GLS: variants seen among roughly 807,000 people sequenced by gnomAD.
The protein encoded by GLS is glutaminase kidney isoform, mitochondrial.
In GLS, 36 loss-of-function variants were observed where a neutral mutation model predicts 86.7. The observed-to-expected ratio is 0.42, with a 90% CI of 0.32 to 0.55. The LOEUF is 0.55. GLS is among the 20% of genes least tolerant of loss of function. The pLI is 0.17. For synonymous variants in GLS, 317 were observed against 305.9 expected (o/e 1.04, Z -0.38); for missense variants, 528 against 833.4 (o/e 0.63, Z 4.51).
chr2:190,954,511 A>G lies in GLS; in HGVS notation c.1713-73A>G, dbSNP rs1391883071. 7 of 949,600 alleles carry G rather than the reference A, an allele frequency of 7.4e-6. No homozygotes were observed. The highest frequency in any genetic ancestry group is 1.6e-5 in the South Asian group (1 of 63,594). 58.8% of individuals were successfully genotyped at this position (949,600 alleles called of 1,614,324 possible). A position where few individuals can be genotyped will look rare whatever the true frequency, so the allele number is the denominator to read the frequency against. ...ACCTGACAGGGCCTTAAATGAACTG[A>G]TGGAGTGAATGTTACCAGTGTGAAT... On this transcript the variant is annotated intron_variant, in intron 15 of 17. Transcript: ENST00000320717. This position sits in a 1 kb window ranked among gnomAD's most constrained non-coding sequence, Gnocchi z 4.0.
chr2:190,964,939 A>G lies in GLS; in HGVS notation c.*1953A>G, dbSNP rs1422126533. The G allele has an allele frequency of 6.6e-6, 1 of 152,202 alleles. No individual in the cohort carries two copies. Among genetic ancestry groups the G allele is most frequent in the African/African-American group, 2.4e-5 (1 of 41,454 alleles). 9.4% of individuals were successfully genotyped at this position (152,202 alleles called of 1,614,324 possible). On this transcript the variant is annotated 3_prime_UTR_variant, in exon 18 of 18. Transcript: ENST00000320717. The surrounding 1 kb of genome is among the most constrained non-coding windows in gnomAD (Gnocchi z 5.2). ...TTCTAACCATTATTTGGGAACAAAGAGAGTTTTCATCTTTTTTCAGATCAA... is the reference window on the plus strand; with the variant it reads ...TTCTAACCATTATTTGGGAACAAAGGGAGTTTTCATCTTTTTTCAGATCAA...
At chr2:190,893,169 G>A (rs951352532) in intron 1 of GLS, among the ~76,000 whole-genome samples, 2 of 152,176 alleles carry the variant, frequency 1.3e-5, no homozygotes, top group African/African-American at 4.8e-5. Flanking sequence ...ATTAGGTGGT[G>A]AGTATTGTTA....
At chr2:190,916,326 CTG>C (rs1261778491) in intron 7 of GLS, among the ~76,000 whole-genome samples, 1 of 152,090 alleles carries the variant, frequency 6.6e-6, no homozygotes, top group African/African-American at 2.4e-5. Flanking sequence ...TTGTTAACAT[CTG>C]TTTCTCCACC....
At chr2:190,900,312 G>A (rs1251670420) in intron 3 of GLS, among the ~76,000 whole-genome samples, 1 of 152,086 alleles carries the variant, frequency 6.6e-6, no homozygotes, top group Non-Finnish European at 1.5e-5. Flanking sequence ...CTGGTGGAAC[G>A]CCTTGTCTTA....
rs531041647 is a variant in GLS at position 190,924,628 on chromosome 2, A to T, written c.1248+35A>T. 2 of 1,191,304 alleles carry T rather than the reference A, an allele frequency of 1.7e-6. No individual in the cohort carries two copies. The highest frequency in any genetic ancestry group is 2.4e-5 in the South Asian group (2 of 82,234). 73.8% of individuals were successfully genotyped at this position (1,191,304 alleles called of 1,614,324 possible). ...TTATGTAAATCGTATATATAAATGGATGTGTCGGCTGGGCACGGTGGCTCA... is the reference window on the plus strand; with the variant it reads ...TTATGTAAATCGTATATATAAATGGTTGTGTCGGCTGGGCACGGTGGCTCA... On this transcript the variant is annotated intron_variant, in intron 11 of 17. Transcript: ENST00000320717. This position sits in a 1 kb window ranked among gnomAD's most constrained non-coding sequence, Gnocchi z 5.2.
intron 17 of GLS, among the ~76,000 whole-genome samples, chr2:190,957,346 C>T (rs1690884924): frequency 6.6e-6 from 1 of 152,204 alleles, no homozygotes; most frequent in South Asian, 2.1e-4. Context: ...CCTGCCTTGG[C>T]CTCCCAAAGT....
At chr2:190,959,151 T>C (rs1314431770) in intron 17 of GLS, among the ~76,000 whole-genome samples, 1 of 152,200 alleles carries the variant, frequency 6.6e-6, no homozygotes, top group African/African-American at 2.4e-5. Context: ...TCTTGTTGCA[T>C]TGATCCCTTT....
At position 190,905,352 on chromosome 2, in the gene GLS, G is replaced by A. The variant is rs116681266; in HGVS notation, c.979+185G>A. 0.03 allele frequency: 15,562 copies of A among 515,486 alleles called. 319 individuals are homozygous for A. Among genetic ancestry groups the A allele is most frequent in the Non-Finnish European group, 0.043 (12,435 of 290,648 alleles). The allele number at this position is 515,486 out of a possible 1,614,324, so 31.9% of individuals were successfully genotyped here. A position where few individuals can be genotyped will look rare whatever the true frequency, so the allele number is the denominator to read the frequency against. Reference sequence around the variant, plus strand: ...TATTTTAGGCATCTCATACCACTGGGAAGTGGGCTAGGGAGAACATGAACT... The same window carrying A: ...TATTTTAGGCATCTCATACCACTGGAAAGTGGGCTAGGGAGAACATGAACT... On this transcript the variant is annotated intron_variant, in intron 6 of 17. Transcript: ENST00000320717. The surrounding 1 kb of genome is among the most constrained non-coding windows in gnomAD (Gnocchi z 4.6).
At chr2:190,886,083 G>A (rs554889762) in intron 1 of GLS, among the ~76,000 whole-genome samples, 1 of 152,112 alleles carries the variant, frequency 6.6e-6, no homozygotes, top group South Asian at 2.1e-4. Context: ...ATGTCAGCCA[G>A]GATGGTCTCG....
chr2:190,894,972 C>G (rs1688680930), intron 1 of GLS, among the ~76,000 whole-genome samples, 180 bp from the exon 2 acceptor site: 1 of 151,992 alleles, frequency 6.6e-6, no homozygotes, highest in Non-Finnish European at 1.5e-5. Context: ...ACTTGTTTTT[C>G]AGTGTGGTTT....
intron 1 of GLS, chr2:190,881,775 C>G (rs1406019418): frequency 3.6e-6 from 1 of 281,572 alleles, no homozygotes; most frequent in Admixed American, 5.5e-5. Flanking sequence ...AGGCCGCTCC[C>G]CTGCCCGCGC....
In GLS at chr2:190,895,522, C is replaced by A; in HGVS notation, c.484-82C>A. The A allele has an allele frequency of 3.1e-6, 3 of 976,666 alleles. No individual in the cohort carries two copies. Among genetic ancestry groups the A allele is most frequent in the Non-Finnish European group, 4.5e-6 (3 of 664,294 alleles). 60.5% of individuals were successfully genotyped at this position (976,666 alleles called of 1,614,324 possible). A position where few individuals can be genotyped will look rare whatever the true frequency, so the allele number is the denominator to read the frequency against. ...AGTGTTGGGTAGAAGTTTTTATATA[C>A]AGGAATAAAATCTTATAGTTGGTAT... On this transcript the variant is annotated intron_variant, in intron 2 of 17. Transcript: ENST00000320717. The surrounding 1 kb of genome is among the most constrained non-coding windows in gnomAD (Gnocchi z 4.2).
intron 14 of GLS, among the ~76,000 whole-genome samples, chr2:190,945,420 T>C (rs779904731): frequency 1.3e-5 from 2 of 152,036 alleles, no homozygotes; most frequent in Admixed American, 6.6e-5. Context: ...CCCAGCACTT[T>C]GGGAGGGTGT....
At chr2:190,883,576 A>T (rs1200567903) in intron 1 of GLS, among the ~76,000 whole-genome samples, 3 of 152,268 alleles carry the variant, frequency 2.0e-5, no homozygotes, top group African/African-American at 7.2e-5. Context: ...TAAATAAATG[A>T]GAAAACATTG....
At chr2:190,933,326 A>G (rs1690169939) in intron 14 of GLS, 2 of 909,426 alleles carry the variant, frequency 2.2e-6, no homozygotes, top group Non-Finnish European at 2.6e-6. Flanking sequence ...CAAAACTAAA[A>G]AGGCAAAATA....
At chr2:190,933,499 A>G in intron 14 of GLS, 1 of 902,086 alleles carries the variant, frequency 1.1e-6, no homozygotes, top group South Asian at 5.1e-5. Flanking sequence ...TTTATTTTGC[A>G]ACTCCTCTGT....
intron 5 of GLS, among the ~76,000 whole-genome samples, chr2:190,902,769 C>T (rs140379160): frequency 3.3e-5 from 5 of 152,140 alleles, no homozygotes; most frequent in African/African-American, 7.2e-5. Flanking sequence ...TAGAAAATTA[C>T]GCCAAAGAGA....
chr2:190,930,303 T>G lies in GLS; in HGVS notation c.1426-134T>G. 3 of 643,820 alleles carry G rather than the reference T, an allele frequency of 4.7e-6. No homozygotes were observed. Among genetic ancestry groups the G allele is most frequent in the Non-Finnish European group, 5.4e-6 (2 of 367,648 alleles). 39.9% of individuals were successfully genotyped at this position (643,820 alleles called of 1,614,324 possible). A position where few individuals can be genotyped will look rare whatever the true frequency, so the allele number is the denominator to read the frequency against. On this transcript the variant is annotated intron_variant, in intron 12 of 17. Transcript: ENST00000320717. This position sits in a 1 kb window ranked among gnomAD's most constrained non-coding sequence, Gnocchi z 5.0. ...CAACTCCTGGGCTCAAGTGATCTGC[T>G]TGCCTTGGCCTCCCAAAGTGCTGAG...
Position 190,881,422 on chromosome 2 carries a change from A to C in GLS, c.338A>C (p.Asp113Ala), listed in dbSNP as rs1249672445. Residue 113 changes from aspartate (D) to alanine (A), a missense_variant, in exon 1 of 18, where the codon GAC becomes GCC. By Grantham distance (126) the Asp-to-Ala change is moderately radical. Transcript: ENST00000320717. ...CCCAAGGACGGCCCCGGGGAGACGG[A>C]CGCGTTTGGCAACAGCGAGGGCAAA... ...PGPKDGPGET[D>A]AFGNSEGKEL... is the part of the protein sequence containing the mutation. 1 of 1,545,048 alleles carries C rather than the reference A, an allele frequency of 6.5e-7. No individual in the cohort carries two copies. Among genetic ancestry groups the C allele is most frequent in the Non-Finnish European group, 8.7e-7 (1 of 1,145,140 alleles).
Sources: gnomAD v4.1 joint callset for allele counts (sites outside exome capture counted in the v4.1 genomes callset) on GRCh38, gnomAD v4.1.1 for gene constraint, Gnocchi (gnomAD v3.1) non-coding constraint, MANE v1.5 for transcripts, NCBI Gene and HGNC (gene_info 2026-07-23, HGNC 2026-07-21) for gene names.